Variants in JAZF1 observed in about 807,000 individuals in gnomAD.
The protein encoded by JAZF1 is JAZF zinc finger 1.
In JAZF1, 8 loss-of-function variants were observed where a neutral mutation model predicts 26.4. The ratio of observed to expected loss-of-function variants is 0.30; its 90% CI spans 0.18 to 0.55. The LOEUF is 0.55. JAZF1 is among the 20% of genes least tolerant of loss of function. JAZF1 has a pLI of 0.94. For missense variants in JAZF1, 199 were observed against 322.0 expected (o/e 0.62, Z 2.92); for synonymous variants, 126 against 122.3 (o/e 1.03, Z -0.20).
chr7:27,851,020 G>A (rs1783137668), intron 3 of JAZF1, among the ~76,000 whole-genome samples: 1 of 152,068 alleles, frequency 6.6e-6, no homozygotes, highest in African/African-American at 2.4e-5. Context: ...TTGGCTCACT[G>A]CAACTTCCAC....
At chr7:27,922,116 A>T (rs1784538899) in intron 2 of JAZF1, among the ~76,000 whole-genome samples, 1 of 152,262 alleles carries the variant, frequency 6.6e-6, no homozygotes, top group Non-Finnish European at 1.5e-5. Flanking sequence ...AAATGGATAT[A>T]AATCATTACA....
At chr7:28,090,228 A>G (rs1008576450) in intron 1 of JAZF1, among the ~76,000 whole-genome samples, 2 of 152,264 alleles carry the variant, frequency 1.3e-5, no homozygotes, top group African/African-American at 2.4e-5. Flanking sequence ...TTGCCTGTAT[A>G]GCTCTTATAG....
intron 1 of JAZF1, among the ~76,000 whole-genome samples, chr7:28,029,820 G>A (rs1388978691): frequency 6.6e-6 from 1 of 152,190 alleles, no homozygotes; most frequent in African/African-American, 2.4e-5. Flanking sequence ...CTCAGGTACT[G>A]GCTACAGTGC....
chr7:27,849,128 A>AT (rs1783082648), intron 3 of JAZF1, among the ~76,000 whole-genome samples: 1 of 152,168 alleles, frequency 6.6e-6, no homozygotes, highest in African/African-American at 2.4e-5. Flanking sequence ...TAAATTGAAT[A>AT]TCCCCTGTGT....
At chr7:28,154,109 G>C (rs915250106) in intron 1 of JAZF1, among the ~76,000 whole-genome samples, 1 of 152,152 alleles carries the variant, frequency 6.6e-6, no homozygotes, top group Admixed American at 6.5e-5. Context: ...AAGTTTTGGG[G>C]ACTGCTGTCC....
At chr7:28,078,078 C>T (rs1784081789) in intron 1 of JAZF1, among the ~76,000 whole-genome samples, 1 of 152,142 alleles carries the variant, frequency 6.6e-6, no homozygotes. Context: ...TGAAAGTTTT[C>T]ACAAGATGCT....
intron 1 of JAZF1, among the ~76,000 whole-genome samples, chr7:28,115,352 C>T (rs1784725838): frequency 6.6e-6 from 1 of 152,174 alleles, no homozygotes; most frequent in Non-Finnish European, 1.5e-5. Context: ...AGATAGCTTA[C>T]ATTCTTTTTT....
At chr7:28,137,708 T>C (rs1229661003) in intron 1 of JAZF1, among the ~76,000 whole-genome samples, 1 of 152,142 alleles carries the variant, frequency 6.6e-6, no homozygotes, top group Non-Finnish European at 1.5e-5. Context: ...ACCACAGGAA[T>C]GGTGTCTGCC....
chr7:28,056,481 GAA>G (rs1291370807), intron 1 of JAZF1, among the ~76,000 whole-genome samples: 1 of 139,504 alleles, frequency 7.2e-6, no homozygotes, highest in Admixed American at 7.1e-5. Context: ...CACACAATAA[GAA>G]AGAAATTCTT....
chr7:27,956,078 G>C lies in JAZF1; in HGVS notation c.188+35831C>G, dbSNP rs1206250071. On this transcript the variant is annotated intron_variant, in intron 2 of 4. Transcript: ENST00000283928. ...TTGTTGTGTTCTGATTGGGTGGGATGAGGTAGCAGAGATGAAGTAGTGACA... is the reference window on the plus strand; with the variant it reads ...TTGTTGTGTTCTGATTGGGTGGGATCAGGTAGCAGAGATGAAGTAGTGACA... Among the ~76,000 whole-genome samples, 4 of 152,204 alleles carry C rather than the reference G, an allele frequency of 2.6e-5. No individual in the cohort carries two copies. In the East Asian group the frequency reaches 7.7e-4, roughly 29 times the overall value.
intron 3 of JAZF1, among the ~76,000 whole-genome samples, chr7:27,887,574 C>A (rs192569561): frequency 3.1e-4 from 47 of 152,188 alleles, no homozygotes; most frequent in Admixed American, 5.2e-4. Context: ...CACCAACATG[C>A]CTGGCTAATT....
At chr7:28,045,147 AAAG>A (rs1783474060) in intron 1 of JAZF1, among the ~76,000 whole-genome samples, 1 of 151,056 alleles carries the variant, frequency 6.6e-6, no homozygotes, top group South Asian at 2.1e-4. Flanking sequence ...TTGCTTCTTC[AAAG>A]AAGGTGAGGG....
intron 2 of JAZF1, among the ~76,000 whole-genome samples, chr7:27,991,389 C>T (rs540675532): frequency 1.3e-5 from 2 of 152,222 alleles, no homozygotes; most frequent in East Asian, 3.9e-4. Flanking sequence ...TGAAATGGTG[C>T]TCTGAAGTTG....
intron 1 of JAZF1, among the ~76,000 whole-genome samples, chr7:28,109,752 C>T (rs572913452): frequency 8.8e-4 from 134 of 152,318 alleles, no homozygotes; most frequent in African/African-American, 3.2e-3. Context: ...ACCCACTCTG[C>T]CAACCCCTGT....
At chr7:27,962,346 C>T (rs1785199580) in intron 2 of JAZF1, among the ~76,000 whole-genome samples, 1 of 152,220 alleles carries the variant, frequency 6.6e-6, no homozygotes, top group Middle Eastern at 3.4e-3. Flanking sequence ...ACCCTGACAA[C>T]CATACCCATT....
At chr7:27,836,023 G>GGTGA (rs1562757383) in intron 4 of JAZF1, among the ~76,000 whole-genome samples, 1 of 152,134 alleles carries the variant, frequency 6.6e-6, no homozygotes, top group Non-Finnish European at 1.5e-5. Context: ...TCCTAGAGAA[G>GGTGA]GTGAGTGACT....
chr7:28,050,485 T>C (rs534763282), intron 1 of JAZF1, among the ~76,000 whole-genome samples: 1 of 151,138 alleles, frequency 6.6e-6, no homozygotes, highest in African/African-American at 2.5e-5. Flanking sequence ...TTTTATCTTA[T>C]ATGAATTGTA....
chr7:27,866,669 A>C (rs1477687992), intron 3 of JAZF1, among the ~76,000 whole-genome samples: 1 of 152,204 alleles, frequency 6.6e-6, no homozygotes, highest in Non-Finnish European at 1.5e-5. Flanking sequence ...GCCTAACAAT[A>C]ATCTAATTCG....
At chr7:27,860,708 C>G (rs1469317203) in intron 3 of JAZF1, among the ~76,000 whole-genome samples, 1 of 152,190 alleles carries the variant, frequency 6.6e-6, no homozygotes, top group Non-Finnish European at 1.5e-5. Flanking sequence ...CCGTGGGGTG[C>G]AAGGGTTCCC....
Sources: gnomAD v4.1 joint callset for allele counts (sites outside exome capture counted in the v4.1 genomes callset) on GRCh38, gnomAD v4.1.1 for gene constraint, MANE v1.5 for transcripts, NCBI Gene and HGNC (gene_info 2026-07-23, HGNC 2026-07-21) for gene names.